Variants in VPS13D observed in about 807,000 individuals in gnomAD.
VPS13D encodes vacuolar protein sorting 13 homolog D.
Under a neutral mutation model 461.9 loss-of-function variants are expected in VPS13D, and 187 were observed. That is an observed-to-expected ratio of 0.40 (90% CI 0.36 to 0.46). The LOEUF (loss-of-function observed/expected upper bound fraction) is 0.46. Among genes scored for constraint, VPS13D ranks in the 20% least tolerant of loss-of-function variants. The pLI is 0.60. For synonymous variants in VPS13D, 1,951 were observed against 1,986.3 expected (o/e 0.98, Z 0.47); for missense variants, 4,711 against 5,364.9 (o/e 0.88, Z 3.81).
At chr1:12,455,683 C>G (rs531363295) in intron 65 of VPS13D, among the ~76,000 whole-genome samples, 1 of 151,680 alleles carries the variant, frequency 6.6e-6, no homozygotes, top group African/African-American at 2.4e-5. Flanking sequence ...CTTTGGGAGG[C>G]CTAGGTGGGC....
At position 12,273,094 on chromosome 1, in the gene VPS13D, T is replaced by G; in HGVS notation, c.2195T>G (p.Val732Gly). The G allele has an allele frequency of 6.2e-7, 1 of 1,614,158 alleles. No individual in the cohort carries two copies. Among genetic ancestry groups the G allele is most frequent in the Non-Finnish European group, 8.5e-7 (1 of 1,179,984 alleles). The stretch of plus-strand genomic sequence containing the variant: ...TTCAAATTCAAGAATCCTGTGTTAG[T>G]TGTCGTGGATCTAGGAAGAATGCTT... Reference protein sequence around the residue: ...DDFKFKNPVLVVVDLGRMLLT... With the variant: ...DDFKFKNPVLGVVDLGRMLLT... The change falls in exon 18 of 70, where the codon GTT becomes GGT. Residue 732 changes from valine to glycine, a missense_variant. This residue lies in a region of VPS13D where 4,411 missense variants were observed against 4,937.8 expected (regional missense o/e 0.89). Coordinates refer to ENST00000620676, the MANE Select transcript of VPS13D (RefSeq NM_015378.4).
chr1:12,277,445 T>C lies in VPS13D; in HGVS notation c.3857T>C (p.Leu1286Pro), dbSNP rs1641648979. Reference sequence around the variant, plus strand: ...TCTAAACAGGAGTGTTTTCTCAACCTGAAGATGGCTTCTTTACATTATAAC... The same window carrying C: ...TCTAAACAGGAGTGTTTTCTCAACCCGAAGATGGCTTCTTTACATTATAAC... ...ERSKQECFLNLKMASLHYNHS... is the reference protein window; with the variant it reads ...ERSKQECFLNPKMASLHYNHS... The change falls in exon 19 of 70, where the codon CTG (leucine) becomes CCG (proline). Residue 1286 changes from leucine (L) to proline (P), a missense_variant. Coordinates refer to ENST00000620676, the MANE Select transcript of VPS13D (RefSeq NM_015378.4). The C allele has an allele frequency of 1.2e-6, 2 of 1,614,082 alleles. No individual in the cohort carries two copies. Among genetic ancestry groups the C allele is most frequent in the African/African-American group, 1.3e-5 (1 of 74,920 alleles).
rs140461198 is a variant in VPS13D, at chr1:12,383,121, G to A, written c.11336G>A (p.Arg3779Lys). The change falls in exon 58 of 70, where the codon AGA becomes AAA. Residue 3779 changes from arginine (R) to lysine (K), a missense_variant. By Grantham distance (26) the Arg-to-Lys change is conservative (BLOSUM62 2). Around this residue, in one of 3 missense-constraint regions of VPS13D, gnomAD observed 4,411 missense variants for 4,937.8 expected, o/e 0.89. Coordinates refer to ENST00000620676, the MANE Select transcript of VPS13D (RefSeq NM_015378.4). The stretch of plus-strand genomic sequence containing the variant: ...CCTGGTTCTGGAATGTTATCCATCA[G>A]AGTCATCCCAGATGGACCAACTAGA... ...MRPGSGMLSI[R>K]VIPDGPTRAL... The A allele has an allele frequency of 3.1e-6, 5 of 1,613,946 alleles. No individual in the cohort carries two copies. The African/African-American group carries it at 5.3e-5, about 17-fold the overall frequency.
intron 67 of VPS13D, among the ~76,000 whole-genome samples, chr1:12,490,645 G>T (rs1045289168): frequency 7.2e-5 from 11 of 152,100 alleles, no homozygotes; most frequent in African/African-American, 2.4e-4. Context: ...GGGAGCTACA[G>T]ATCTGAGATA....
At chr1:12,459,866 G>A (rs1371456700) in intron 66 of VPS13D, among the ~76,000 whole-genome samples, 1 of 151,102 alleles carries the variant, frequency 6.6e-6, no homozygotes, top group East Asian at 1.9e-4. Flanking sequence ...TCCTCTATCT[G>A]TATCCTCTCC....
intron 55 of VPS13D, among the ~76,000 whole-genome samples, chr1:12,377,751 G>A (rs923922728): frequency 1.3e-5 from 2 of 149,688 alleles, no homozygotes; most frequent in Non-Finnish European, 3.0e-5. Flanking sequence ...AACCCAGGAG[G>A]AGAGATTGTA....
Position 12,244,017 on chromosome 1 carries a change from G to A in VPS13D, c.176-229G>A, listed in dbSNP as rs148385472. 3.2e-3 allele frequency among the ~76,000 whole-genome samples: 490 copies of A among 152,258 alleles called. 8 individuals are homozygous for A. Among genetic ancestry groups the A allele is most frequent in the Admixed American group, 0.025 (387 of 15,306 alleles). ...GGGATGTTACTGTTGATGTGGTAAA[G>A]TCTTCGCGAACTTTTTCCAGCTTAT... On this transcript the variant is annotated intron_variant, in intron 3 of 69. Coordinates refer to ENST00000620676, the MANE Select transcript of VPS13D (RefSeq NM_015378.4).
Position 12,261,911 on chromosome 1 carries a change from G to T in VPS13D, c.1425G>T (p.Glu475Asp), listed in dbSNP as rs768114514. 6.2e-7 allele frequency: 1 copy of T among 1,609,678 alleles called. No individual in the cohort carries two copies. The highest frequency in any genetic ancestry group is 8.5e-7 in the Non-Finnish European group (1 of 1,177,176). ...TCCCTTACCATTTAGGCACTGAGGAGTTTTTTGACCCCACTGCAGATGCCT... is the reference window on the plus strand; with the variant it reads ...TCCCTTACCATTTAGGCACTGAGGATTTTTTTGACCCCACTGCAGATGCCT... ...WIPEEILGTE[E>D]FFDPTADASC... Residue 475 changes from glutamate (E) to aspartate (D), a missense_variant, in exon 13 of 70, where the codon GAG (glutamate) becomes GAT (aspartate). Transcript: ENST00000620676.
intron 67 of VPS13D, among the ~76,000 whole-genome samples, chr1:12,477,436 G>A (rs1645647168): frequency 6.6e-6 from 1 of 152,128 alleles, no homozygotes. Context: ...TTAATCACTT[G>A]GAGAGCCTGG....
chr1:12,383,045 C>A lies in VPS13D; in HGVS notation c.11260C>A (p.Leu3754Ile), dbSNP rs771560480. The change falls in exon 58 of 70, where the codon CTT (leucine) becomes ATT (isoleucine). Residue 3754 changes from leucine to isoleucine, a missense_variant. By Grantham distance (5) the Leu-to-Ile change is conservative. Coordinates refer to ENST00000620676, the MANE Select transcript of VPS13D (RefSeq NM_015378.4). Reference protein sequence around the residue: ...VVLGPDTSMELLGPVPPEQQF... With the variant: ...VVLGPDTSMEILGPVPPEQQF... ...TCTTGGTCCTGACACTTCCATGGAG[C>A]TTTTGGGGCCAGTTCCACCTGAACA... 6 of 1,614,132 alleles carry A rather than the reference C, an allele frequency of 3.7e-6. No homozygotes were observed. In the African/African-American group the frequency reaches 6.7e-5, roughly 18 times the overall value.
chr1:12,454,219 A>G (rs931137115), intron 65 of VPS13D, among the ~76,000 whole-genome samples: 2 of 152,176 alleles, frequency 1.3e-5, no homozygotes, highest in African/African-American at 2.4e-5. Flanking sequence ...TGTAGTTACC[A>G]GAATGGTCGA....
At chr1:12,292,156 G>A (rs2101426713) in intron 23 of VPS13D, among the ~76,000 whole-genome samples, 1 of 151,546 alleles carries the variant, frequency 6.6e-6, no homozygotes, top group African/African-American at 2.4e-5. Context: ...CTAGTCGGGA[G>A]GCTGAGGCAG....
At chr1:12,270,850 G>T in intron 16 of VPS13D, 144 bp from the exon 17 acceptor site, 1 of 1,089,280 alleles carries the variant, frequency 9.2e-7, no homozygotes, top group Admixed American at 2.5e-5. Context: ...AAAGTGCTGG[G>T]ATTACGAGTG....
At chr1:12,469,016 G>A (rs1480625334) in intron 67 of VPS13D, among the ~76,000 whole-genome samples, 1 of 151,562 alleles carries the variant, frequency 6.6e-6, no homozygotes, top group Non-Finnish European at 1.5e-5. Context: ...CCTGGGTGAT[G>A]GGAGTGAAAC....
intron 2 of VPS13D, among the ~76,000 whole-genome samples, chr1:12,236,111 C>T (rs1194501891): frequency 6.6e-6 from 1 of 152,164 alleles, no homozygotes; most frequent in Non-Finnish European, 1.5e-5. Flanking sequence ...TTTCTAAAAA[C>T]ATTATTCTTT....
chr1:12,382,528 G>A (rs1459190269), intron 57 of VPS13D, among the ~76,000 whole-genome samples: 1 of 152,084 alleles, frequency 6.6e-6, no homozygotes, highest in African/African-American at 2.4e-5. Context: ...GCCTGTTTGG[G>A]GAGGTTTTCA....
chr1:12,398,901 C>A (rs1005512244), intron 60 of VPS13D, among the ~76,000 whole-genome samples: 1 of 152,194 alleles, frequency 6.6e-6, no homozygotes, highest in Non-Finnish European at 1.5e-5. Flanking sequence ...GTCAGACAGA[C>A]CGAGATTCAA....
intron 30 of VPS13D, 106 bp from the exon 31 acceptor site, chr1:12,317,966 A>G: frequency 8.3e-7 from 1 of 1,200,476 alleles, no homozygotes; most frequent in East Asian, 2.3e-5. Context: ...GGCAGTTTGG[A>G]AAATACCGGA....
chr1:12,392,632 C>G (rs1391943688), intron 60 of VPS13D, among the ~76,000 whole-genome samples: 1 of 151,322 alleles, frequency 6.6e-6, no homozygotes, highest in Non-Finnish European at 1.5e-5. Context: ...GTCAGATGTT[C>G]ATTTTCCACC....
Sources: allele counts gnomAD v4.1 joint callset (sites outside exome capture counted in the v4.1 genomes callset), GRCh38; gene constraint gnomAD v4.1.1; regional missense constraint gnomAD v4.1.1; transcripts MANE v1.5; gene names NCBI Gene and HGNC (gene_info 2026-07-23, HGNC 2026-07-21).